Variants in PCDHA2 observed in about 807,000 individuals in gnomAD.
The protein encoded by PCDHA2 is protocadherin alpha-2.
In PCDHA2, 58 loss-of-function variants were observed where a neutral mutation model predicts 66.0. The observed-to-expected ratio is 0.88, with a 90% CI of 0.71 to 1.09. The LOEUF (loss-of-function observed/expected upper bound fraction) is 1.09, where lower values mean the gene tolerates loss of function less well. PCDHA2 is among the 50% of genes least tolerant of loss of function. The pLI is 0.00. For missense variants in PCDHA2, 1,267 were observed against 1,242.3 expected (o/e 1.02, Z -0.30); for synonymous variants, 634 against 554.0 (o/e 1.14, Z -2.03).
intron 1 of PCDHA2, chr5:140,853,623 A>G: frequency 1.0e-6 from 1 of 988,442 alleles, no homozygotes; most frequent in Non-Finnish European, 1.2e-6. Context: ...AAATAAGTAT[A>G]CAAGATCACA....
At chr5:140,830,215 C>T in intron 1 of PCDHA2, 18 of 1,613,852 alleles carry the variant, frequency 1.1e-5, no homozygotes, top group Non-Finnish European at 1.4e-5. Flanking sequence ...GCGCGGTATC[C>T]AGCCTGCTGG....
intron 1 of PCDHA2, chr5:140,811,505 A>G (rs1214615927): frequency 6.6e-6 from 1 of 152,172 alleles, no homozygotes; most frequent in African/African-American, 2.4e-5. Context: ...ATGATTTATA[A>G]TCCTTTAGAT....
Position 140,796,819 on chromosome 5 carries a change from C to T in PCDHA2, c.1855C>T (p.Arg619Cys), listed in dbSNP as rs782194606. Reference sequence around the variant, plus strand: ...GCTTCAGCTGGGTACTGGCAGCGCTCGCATCCCGTTCCGCGTGGGGCTATA... The same window carrying T: ...GCTTCAGCTGGGTACTGGCAGCGCTTGCATCCCGTTCCGCGTGGGGCTATA... ...YELQLGTGSARIPFRVGLYTG... is the reference protein window; with the variant it reads ...YELQLGTGSACIPFRVGLYTG... The change falls in exon 1 of 4, where the codon CGC becomes TGC. Residue 619 changes from arginine (R) to cysteine (C), a missense_variant. Physicochemically the swap from Arg to Cys is radical, Grantham distance 180. Transcript: ENST00000526136. 4.3e-6 allele frequency: 7 copies of T among 1,614,114 alleles called. No individual in the cohort carries two copies. In the East Asian group the frequency reaches 8.9e-5, roughly 21 times the overall value.
chr5:140,851,054 T>G, intron 1 of PCDHA2: 1 of 1,379,124 alleles, frequency 7.3e-7, no homozygotes, highest in Non-Finnish European at 9.5e-7. Context: ...GACTTTGTCT[T>G]GACTTCTAGT....
At chr5:140,928,855 C>T (rs781997277) in intron 1 of PCDHA2, 1 of 1,614,184 alleles carries the variant, frequency 6.2e-7, no homozygotes, top group Non-Finnish European at 8.5e-7. Context: ...TCTGGGTGTG[C>T]TGTTGAGCAA....
intron 1 of PCDHA2, chr5:140,860,619 CAT>C: frequency 6.6e-6 from 1 of 152,266 alleles, no homozygotes; most frequent in African/African-American, 2.4e-5. Context: ...GAAACATAAA[CAT>C]ATGCAGGAAT....
intron 1 of PCDHA2, chr5:140,926,866 G>C: frequency 6.6e-7 from 1 of 1,524,204 alleles, no homozygotes; most frequent in Non-Finnish European, 8.8e-7. Flanking sequence ...GTAGCGTGTT[G>C]GTGGAACGTG....
intron 1 of PCDHA2, chr5:140,855,768 T>C (rs1047449445): frequency 1.8e-5 from 7 of 383,760 alleles, no homozygotes; most frequent in East Asian, 1.3e-4. Flanking sequence ...TCCATAGACA[T>C]AAAAATACGT....
At position 140,936,850 on chromosome 5, in the gene PCDHA2, CTTCTCAGT is replaced by C. The variant is rs1421923207; in HGVS notation, c.2389-42094_2389-42087del. Among the ~76,000 whole-genome samples the C allele has an allele frequency of 3.1e-4, 47 of 152,208 alleles. 1 individual carries two copies. Among genetic ancestry groups the C allele is most frequent in the African/African-American group, 1.1e-3 (46 of 41,532 alleles). On this transcript the variant is annotated intron_variant, in intron 1 of 3. Coordinates refer to ENST00000526136, the MANE Select transcript of PCDHA2 (RefSeq NM_018905.3). ...ATTTCTATATAAATTGTAGATTCAG[CTTCTCAGT>C]TTCTATTTTAAAAAACCCTGCTTTG... is the stretch of plus-strand genomic sequence containing the variant.
chr5:140,902,548 A>G (rs1554190491), intron 1 of PCDHA2, among the ~76,000 whole-genome samples: 1 of 152,028 alleles, frequency 6.6e-6, no homozygotes, highest in East Asian at 1.9e-4. Flanking sequence ...TTCCTTCTAT[A>G]CCCAGATTTT....
intron 1 of PCDHA2, chr5:140,927,843 CTT>C (rs1563097902): frequency 4.3e-6 from 7 of 1,614,186 alleles, no homozygotes; most frequent in African/African-American, 2.7e-5. Flanking sequence ...ACGAAGGTGT[CTT>C]TGGTTTAGCT....
At chr5:140,803,986 T>G in intron 1 of PCDHA2, 1 of 286,642 alleles carries the variant, frequency 3.5e-6, no homozygotes, top group Non-Finnish European at 6.5e-6. Context: ...GACTTCCTAC[T>G]ACCTGTTAGT....
At chr5:140,807,045 T>A in intron 1 of PCDHA2, 1 of 1,012,628 alleles carries the variant, frequency 9.9e-7, no homozygotes. Context: ...GGAAAATTCC[T>A]TCTATTCTTA....
intron 1 of PCDHA2, among the ~76,000 whole-genome samples, chr5:140,879,506 A>T (rs1156992401): frequency 1.3e-5 from 2 of 152,224 alleles, no homozygotes; most frequent in Non-Finnish European, 2.9e-5. Context: ...CTCAGAAGAG[A>T]TTATTGATAT....
chr5:140,847,902 T>G (rs753467196), intron 1 of PCDHA2: 1 of 149,888 alleles, frequency 6.7e-6, no homozygotes, highest in South Asian at 2.1e-4. Context: ...ATCAGTAGAT[T>G]TCTGGGCTCC....
At chr5:141,008,014 CT>C (rs1268690822) in intron 3 of PCDHA2, among the ~76,000 whole-genome samples, 12 of 152,070 alleles carry the variant, frequency 7.9e-5, no homozygotes, top group African/African-American at 1.7e-4. Flanking sequence ...CTTCTGTTTC[CT>C]TTTTTTTCTT....
At chr5:140,843,779 T>G (rs1779095351) in intron 1 of PCDHA2, 1 of 1,431,152 alleles carries the variant, frequency 7.0e-7, no homozygotes, top group African/African-American at 1.4e-5. Flanking sequence ...ACTTTAAAAG[T>G]GTTTCAGATT....
chr5:140,952,496 G>A (rs2094755026), intron 1 of PCDHA2, among the ~76,000 whole-genome samples: 1 of 152,112 alleles, frequency 6.6e-6, no homozygotes, highest in Non-Finnish European at 1.5e-5. Flanking sequence ...CCAGTCCTCA[G>A]TAAGTTCCTC....
chr5:140,857,255 T>C (rs1307623486), intron 1 of PCDHA2: 1 of 1,598,356 alleles, frequency 6.3e-7, no homozygotes, highest in Non-Finnish European at 8.6e-7. Context: ...CTACAAGAAT[T>C]ACTACTCATT....
Sources: gnomAD v4.1 joint callset for allele counts (sites outside exome capture counted in the v4.1 genomes callset) on GRCh38, gnomAD v4.1.1 for gene constraint, MANE v1.5 for transcripts, NCBI Gene and HGNC (gene_info 2026-07-23, HGNC 2026-07-21) for gene names.